The following CEP192 variants were observed in gnomAD, a reference collection of about 807,000 sequenced individuals.
CEP192 encodes the protein centrosomal protein of 192 kDa.
In CEP192, 151 loss-of-function variants were observed where a neutral mutation model predicts 271.8. The observed-to-expected ratio is 0.56, with a 90% CI of 0.49 to 0.64. The LOEUF is 0.64. Ranked by LOEUF, CEP192 falls within the 30% of genes least tolerant of loss-of-function variation. The pLI is 0.00. For missense variants in CEP192, 2,910 were observed against 3,020.5 expected (o/e 0.96, Z 0.86); for synonymous variants, 995 against 1,076.5 (o/e 0.92, Z 1.48).
chr18:13,049,690 C>T lies in CEP192; in HGVS notation c.2890+9C>T. 2 of 1,605,068 alleles carry T rather than the reference C, an allele frequency of 1.2e-6. No individual in the cohort carries two copies. The highest frequency in any genetic ancestry group is 1.7e-6 in the Non-Finnish European group (2 of 1,175,080). On this transcript the variant is annotated intron_variant, in intron 16 of 44. Coordinates refer to ENST00000506447, the MANE Select transcript of CEP192 (RefSeq NM_032142.4). ...CTCACCTAAAAATAGTGGTAAGTGT[C>T]TGAGTCGTTGGTCACATTCATAAAA... is the stretch of plus-strand genomic sequence containing the variant.
At chr18:13,058,777 G>A (rs2037251475) in intron 20 of CEP192, 19 of 362,114 alleles carry the variant, frequency 5.2e-5, no homozygotes, top group South Asian at 5.0e-4. Flanking sequence ...GAGACTTACA[G>A]GGCTGTGAAA....
In CEP192 at chr18:13,056,030, TGTTGGAAACCAGTGAGGTAG is replaced by T. The variant is rs1415991051; in HGVS notation, c.3447_3466del (p.Glu1149AspfsTer5). 6.2e-7 allele frequency: 1 copy of T among 1,614,088 alleles called. No individual in the cohort carries two copies. The highest frequency in any genetic ancestry group is 8.5e-7 in the Non-Finnish European group (1 of 1,180,044). On this transcript the variant is annotated frameshift_variant, in exon 19 of 45. Transcript: ENST00000506447. LOFTEE classifies it high-confidence loss of function. ...GATCCTTCCTCCAAAAGTGGAAATCTGTTGGAAACCAGTGAGGTAGGTTGGACATCAAACCCTGAGGAATT... is the reference window on the plus strand; with the variant it reads ...GATCCTTCCTCCAAAAGTGGAAATCTGTTGGACATCAAACCCTGAGGAATT...
chr18:12,994,799 A>T (rs115497294), intron 1 of CEP192, among the ~76,000 whole-genome samples: 92 of 152,308 alleles, frequency 6.0e-4, no homozygotes, highest in African/African-American at 2.2e-3. Flanking sequence ...TCCTGAAGAC[A>T]TTTGAGTTGA....
At chr18:13,091,471 G>GT (rs369944889) in intron 33 of CEP192, among the ~76,000 whole-genome samples, 105,505 of 152,038 alleles carry the variant, frequency 0.69, 37,435 homozygotes, top group African/African-American at 0.84. Context: ...TAGATCACCT[G>GT]GAGTATAATG....
chr18:13,052,441 A>G (rs1479527758), intron 17 of CEP192, among the ~76,000 whole-genome samples: 2 of 152,148 alleles, frequency 1.3e-5, no homozygotes, highest in Non-Finnish European at 2.9e-5. Flanking sequence ...TCTCAGGATA[A>G]ATTCCTAAAT....
chr18:13,095,672 C>G lies in CEP192; in HGVS notation c.6424C>G (p.Pro2142Ala). 6.2e-7 allele frequency: 1 copy of G among 1,612,536 alleles called. No individual in the cohort carries two copies. The highest frequency in any genetic ancestry group is 8.5e-7 in the Non-Finnish European group (1 of 1,179,544). The change falls in exon 35 of 45, where the codon CCT (proline) becomes GCT (alanine). Residue 2142 changes from proline to alanine, a missense_variant. Physicochemically the swap from Pro to Ala is conservative, Grantham distance 27. Transcript: ENST00000506447. ...VLPEHLILVA[P>A]SPCDMAKTGR... The stretch of plus-strand genomic sequence containing the variant: ...ACCCGAGCACTTGATTCTGGTAGCT[C>G]CTTCTCCTTGTGAGTATGTCAACTG...
At chr18:13,094,805 C>T (rs541330813) in intron 34 of CEP192, among the ~76,000 whole-genome samples, 1 of 137,054 alleles carries the variant, frequency 7.3e-6, no homozygotes, top group South Asian at 2.3e-4. Context: ...TGTGAAGCCT[C>T]CAATTCTAAT....
At chr18:13,120,679 C>T (rs976696997) in intron 44 of CEP192, among the ~76,000 whole-genome samples, 4 of 152,048 alleles carry the variant, frequency 2.6e-5, no homozygotes, top group African/African-American at 9.7e-5. Context: ...CTATTAGTGG[C>T]GGACACTTAA....
chr18:13,040,989 C>G (rs2036171236), intron 14 of CEP192, 33 bp downstream of exon 14: 1 of 1,571,968 alleles, frequency 6.4e-7, no homozygotes, highest in Non-Finnish European at 8.6e-7. Context: ...TTTTAGGAAT[C>G]TTTTTTTTCT....
intron 34 of CEP192, among the ~76,000 whole-genome samples, chr18:13,095,299 G>C (rs563286685): frequency 1.2e-4 from 18 of 152,240 alleles, no homozygotes; most frequent in Non-Finnish European, 2.4e-4. Flanking sequence ...ACCACACCCA[G>C]CCTGTACACA....
intron 1 of CEP192, among the ~76,000 whole-genome samples, chr18:12,997,675 T>A (rs2033340145): frequency 6.6e-6 from 1 of 152,208 alleles, no homozygotes; most frequent in Non-Finnish European, 1.5e-5. Context: ...ACTGAGTTTC[T>A]GCTTACACAT....
chr18:13,053,787 T>A (rs991256963), intron 18 of CEP192, among the ~76,000 whole-genome samples: 2 of 152,100 alleles, frequency 1.3e-5, no homozygotes, highest in African/African-American at 4.8e-5. Context: ...ACCGCTGGTC[T>A]CAAGGGATCC....
rs143024020 is a variant in CEP192 at position 13,086,006 on chromosome 18, G to A, written c.5617-1011G>A. Among the ~76,000 whole-genome samples the A allele has an allele frequency of 8.3e-4, 126 of 151,962 alleles. 1 individual carries two copies. Among genetic ancestry groups the A allele is most frequent in the Middle Eastern group, 6.8e-3 (2 of 294 alleles). ...CTTTGGGCAGTATGGCCATTTTCTC[G>A]ATATTGAGTCCATGGAATGTTTTTC... On this transcript the variant is annotated intron_variant, in intron 30 of 44. Coordinates refer to ENST00000506447, the MANE Select transcript of CEP192 (RefSeq NM_032142.4).
chr18:13,057,551 C>T, intron 19 of CEP192, 34 bp from the exon 20 acceptor site: 1 of 1,603,778 alleles, frequency 6.2e-7, no homozygotes, highest in South Asian at 1.1e-5. Context: ...TTTGCTGTAA[C>T]TTGCATTTTT....
rs1200399632 is a variant in CEP192, at chr18:13,014,198, G to A, written c.520-1130G>A. ...TCAAGTGCGAGAGATGCTTTGTAGA[G>A]GAAGTTAGGTGTAGTGAAGTTGAAA... is the stretch of plus-strand genomic sequence containing the variant. On this transcript the variant is annotated intron_variant, in intron 5 of 44. Transcript: ENST00000506447. Among the ~76,000 whole-genome samples, 7 of 152,318 alleles carry A rather than the reference G, an allele frequency of 4.6e-5. No homozygotes were observed. The East Asian group carries it at 1.3e-3, about 29-fold the overall frequency.
At position 13,068,474 on chromosome 18, in the gene CEP192, T is replaced by C. The variant is rs777652017; in HGVS notation, c.4822+52T>C. 5 of 1,326,780 alleles carry C rather than the reference T, an allele frequency of 3.8e-6. No individual in the cohort carries two copies. In the East Asian group the frequency reaches 1.2e-4, roughly 31 times the overall value. 82.2% of individuals were successfully genotyped at this position (1,326,780 alleles called of 1,614,324 possible). ...TGCTTTAATCTGTAGCTAGATAAACTACAAATTTGAGATGTATTTCCTTTG... is the reference window on the plus strand; with the variant it reads ...TGCTTTAATCTGTAGCTAGATAAACCACAAATTTGAGATGTATTTCCTTTG... On this transcript the variant is annotated intron_variant, in intron 24 of 44. Coordinates refer to ENST00000506447, the MANE Select transcript of CEP192 (RefSeq NM_032142.4).
chr18:12,999,828 ATTT>A (rs36207281), intron 2 of CEP192, among the ~76,000 whole-genome samples: 1 of 124,030 alleles, frequency 8.1e-6, no homozygotes, highest in Non-Finnish European at 1.8e-5. Context: ...ATTTCGGTCT[ATTT>A]TTTTTTTTTT....
At chr18:13,040,044 A>G (rs1174490763) in intron 13 of CEP192, among the ~76,000 whole-genome samples, 3 of 152,230 alleles carry the variant, frequency 2.0e-5, no homozygotes, top group East Asian at 1.9e-4. Context: ...GAAATAACAG[A>G]TGTAGTGTTA....
rs138157651 is a variant in CEP192 at position 13,060,799 on chromosome 18, T to C, written c.4488+1487T>C. ...ATCAGCTGGGTGTGGTGGTGCATGC[T>C]TGTGATCCCAACTACTCAAGAAGCT... On this transcript the variant is annotated intron_variant, in intron 21 of 44. Transcript: ENST00000506447. Among the ~76,000 whole-genome samples, 3 of 152,150 alleles carry C rather than the reference T, an allele frequency of 2.0e-5. No individual in the cohort carries two copies. The East Asian group carries it at 5.8e-4, about 29-fold the overall frequency.
Sources: gnomAD v4.1 joint callset for allele counts (sites outside exome capture counted in the v4.1 genomes callset) on GRCh38, gnomAD v4.1.1 for gene constraint, MANE v1.5 for transcripts, NCBI Gene and HGNC (gene_info 2026-07-23, HGNC 2026-07-21) for gene names.